NTRK3: variants seen among roughly 807,000 people sequenced by gnomAD.
NTRK3 encodes the protein neurotrophic receptor tyrosine kinase 3, also known as NT-3 growth factor receptor.
NTRK3 carries 24 observed loss-of-function variants against 91.7 expected under a neutral mutation model. That is an observed-to-expected ratio of 0.26 (90% CI 0.19 to 0.37). The LOEUF is 0.37. Among genes scored for constraint, NTRK3 ranks in the 10% least tolerant of loss-of-function variants. The pLI is 1.00. For missense variants in NTRK3, 880 were observed against 1,068.9 expected (o/e 0.82, Z 2.46); for synonymous variants, 483 against 404.0 (o/e 1.20, Z -2.34).
At chr15:88,010,000 A>C (rs547521091) in intron 14 of NTRK3, among the ~76,000 whole-genome samples, 1 of 152,260 alleles carries the variant, frequency 6.6e-6, no homozygotes, top group Non-Finnish European at 1.5e-5. Context: ...TCTTCTTCCA[A>C]ATGATTAGAT....
At chr15:88,176,133 C>CTTTTTTTT (rs1167029194) in intron 5 of NTRK3, among the ~76,000 whole-genome samples, 2 of 115,648 alleles carry the variant, frequency 1.7e-5, no homozygotes, top group African/African-American at 8.0e-5. Flanking sequence ...CTATATGCCC[C>CTTTTTTTT]TTCTTTTTTT....
At chr15:88,242,302 A>C (rs1396229926) in intron 3 of NTRK3, among the ~76,000 whole-genome samples, 1 of 152,118 alleles carries the variant, frequency 6.6e-6, no homozygotes, top group Non-Finnish European at 1.5e-5. Context: ...CAATGAATCA[A>C]CTTCCCAGCC....
At chr15:88,065,970 G>A (rs2046616550) in intron 13 of NTRK3, among the ~76,000 whole-genome samples, 1 of 152,164 alleles carries the variant, frequency 6.6e-6, no homozygotes, top group Non-Finnish European at 1.5e-5. Flanking sequence ...TACTGTCAGG[G>A]CTAAGCCCTG....
At chr15:87,931,486 A>T (rs2068794646) in intron 16 of NTRK3, among the ~76,000 whole-genome samples, 1 of 152,254 alleles carries the variant, frequency 6.6e-6, no homozygotes, top group Non-Finnish European at 1.5e-5. Context: ...TACTCATAGC[A>T]ACAACCCCGT....
At chr15:88,030,594 A>G (rs916967581) in intron 14 of NTRK3, among the ~76,000 whole-genome samples, 2 of 152,080 alleles carry the variant, frequency 1.3e-5, no homozygotes, top group African/African-American at 2.4e-5. Context: ...CTCATTATTC[A>G]CAGATTCTGT....
intron 13 of NTRK3, among the ~76,000 whole-genome samples, chr15:88,073,794 C>T (rs139196747): frequency 3.9e-5 from 6 of 152,030 alleles, no homozygotes; most frequent in Non-Finnish European, 8.8e-5. Context: ...CGCCCCACCC[C>T]GCAGGGAAGA....
intron 17 of NTRK3, among the ~76,000 whole-genome samples, chr15:87,887,625 CA>C (rs1016777113): frequency 6.6e-6 from 1 of 152,144 alleles, no homozygotes; most frequent in Admixed American, 6.6e-5. Flanking sequence ...GATCTTCCTC[CA>C]AGGTGACCAA....
chr15:87,874,692 G>A (rs1351873801), exon 19 of NTRK3: 1 of 232,580 alleles, frequency 4.3e-6, no homozygotes, highest in East Asian at 6.1e-5. Flanking sequence ...TTTCCCTCAG[G>A]CGCCTCCAGA....
chr15:87,936,462 T>A (rs1312331046), intron 15 of NTRK3, among the ~76,000 whole-genome samples: 2 of 151,904 alleles, frequency 1.3e-5, no homozygotes, highest in African/African-American at 4.8e-5. Context: ...AGAACACAAC[T>A]TCTCGACAGC....
chr15:88,199,321 G>A (rs780286680), intron 3 of NTRK3, among the ~76,000 whole-genome samples: 4 of 152,124 alleles, frequency 2.6e-5, no homozygotes, highest in African/African-American at 4.8e-5. Context: ...CATGTCGTCC[G>A]GTACTCTTTG....
At chr15:88,021,860 A>G (rs1431057394) in intron 14 of NTRK3, among the ~76,000 whole-genome samples, 2 of 152,176 alleles carry the variant, frequency 1.3e-5, no homozygotes, top group Non-Finnish European at 2.9e-5. Flanking sequence ...CTCCTGGAAA[A>G]GGGCTTTTGG....
chr15:88,197,094 CAAAAAAAAAAAAAAAAAAAAAAAA>C (rs59553739), intron 3 of NTRK3, among the ~76,000 whole-genome samples: 1 of 56,510 alleles, frequency 1.8e-5, no homozygotes, highest in African/African-American at 4.9e-5. Context: ...TTGAGCAGGA[CAAAAAAAAAAAAAAAAAAAAAAAA>C]AAAAAAAAAC....
intron 14 of NTRK3, among the ~76,000 whole-genome samples, chr15:88,025,725 T>C (rs1185036922): frequency 3.3e-5 from 5 of 152,184 alleles, no homozygotes; most frequent in Non-Finnish European, 7.3e-5. Context: ...AGATAAAAAA[T>C]TTCTGTTGTT....
chr15:88,065,853 C>G (rs879704380), intron 13 of NTRK3, among the ~76,000 whole-genome samples: 9 of 152,190 alleles, frequency 5.9e-5, no homozygotes, highest in Non-Finnish European at 1.0e-4. Context: ...CAGTATACCC[C>G]TTGTCTGATC....
chr15:88,006,727 A>T (rs1034511140), intron 14 of NTRK3, among the ~76,000 whole-genome samples: 1 of 152,232 alleles, frequency 6.6e-6, no homozygotes, highest in African/African-American at 2.4e-5. Context: ...GAAAGCACAC[A>T]GGAGCACAAC....
intron 3 of NTRK3, among the ~76,000 whole-genome samples, chr15:88,202,929 A>G (rs1412973423): frequency 6.6e-6 from 1 of 152,220 alleles, no homozygotes; most frequent in Non-Finnish European, 1.5e-5. Flanking sequence ...TGGATGAGAC[A>G]CTGCAAATCT....
At chr15:87,896,332 G>A (rs1176912096) in intron 17 of NTRK3, among the ~76,000 whole-genome samples, 3 of 152,040 alleles carry the variant, frequency 2.0e-5, no homozygotes, top group South Asian at 2.1e-4. Flanking sequence ...TTAGCTGGGC[G>A]TGGTGGCGCA....
chr15:87,863,371 T>G (rs1467265851), exon 19 of NTRK3: 1 of 226,976 alleles, frequency 4.4e-6, no homozygotes. Context: ...AGGGGGTTGT[T>G]TGCTGTCCCT....
chr15:88,102,330 A>C (rs1339101579), intron 13 of NTRK3, among the ~76,000 whole-genome samples: 2 of 152,240 alleles, frequency 1.3e-5, no homozygotes, highest in Non-Finnish European at 2.9e-5. Flanking sequence ...TACCAAAAAA[A>C]CACAATCTTT....
Sources: allele counts gnomAD v4.1 joint callset (sites outside exome capture counted in the v4.1 genomes callset), GRCh38; gene constraint gnomAD v4.1.1; transcripts MANE v1.5; gene names NCBI Gene and HGNC (gene_info 2026-07-23, HGNC 2026-07-21).